The following PCSK2 variants were observed in gnomAD, a reference collection of about 807,000 sequenced individuals.
PCSK2 encodes the protein proprotein convertase subtilisin/kexin type 2, also known as neuroendocrine convertase 2.
A neutral mutation model predicts 69.7 loss-of-function variants in PCSK2; 14 were observed. That is an observed-to-expected ratio of 0.20 (90% CI 0.13 to 0.31). The LOEUF (loss-of-function observed/expected upper bound fraction) is 0.31. Ranked by LOEUF, PCSK2 falls within the 10% of genes least tolerant of loss-of-function variation. The probability of loss-of-function intolerance (pLI) is 1.00; values close to 1 mark genes in which losing one functional copy is unlikely to be tolerated. For missense variants in PCSK2, 544 were observed against 842.5 expected (o/e 0.65, Z 4.39); for synonymous variants, 307 against 320.7 (o/e 0.96, Z 0.46).
At chr20:17,471,879 G>T (rs182979235) in intron 11 of PCSK2, among the ~76,000 whole-genome samples, 1 of 152,220 alleles carries the variant, frequency 6.6e-6, no homozygotes, top group African/African-American at 2.4e-5. Flanking sequence ...CGTGGCAATC[G>T]CCACTCTCCA....
chr20:17,319,529 T>C (rs1368436542), intron 2 of PCSK2, among the ~76,000 whole-genome samples: 1 of 152,150 alleles, frequency 6.6e-6, no homozygotes, highest in Non-Finnish European at 1.5e-5. Context: ...TCAACAGTGT[T>C]CCAAGATGCA....
chr20:17,377,747 A>T (rs1298974287), intron 5 of PCSK2, among the ~76,000 whole-genome samples: 4 of 152,206 alleles, frequency 2.6e-5, no homozygotes, highest in South Asian at 4.1e-4. Flanking sequence ...TTTAAAAATC[A>T]CTTTGATAGA....
At chr20:17,399,995 G>A (rs1253821765) in intron 5 of PCSK2, among the ~76,000 whole-genome samples, 1 of 152,090 alleles carries the variant, frequency 6.6e-6, no homozygotes, top group South Asian at 2.1e-4. Context: ...ATATTTGCTG[G>A]TTTAGGCCTC....
In PCSK2 at chr20:17,482,567, G is replaced by A. The variant is rs556528781; in HGVS notation, c.*497G>A. ...CACTGTGCTATAAATCCTTTGGGGA[G>A]CGATGTTTTGAATTTAGTGAGATTT... On this transcript the variant is annotated 3_prime_UTR_variant, in exon 12 of 12. Coordinates refer to ENST00000262545, the MANE Select transcript of PCSK2 (RefSeq NM_002594.5). 3.3e-5 allele frequency: 5 copies of A among 152,314 alleles called. No homozygotes were observed. In the East Asian group the frequency reaches 7.7e-4, roughly 24 times the overall value. The allele number at this position is 152,314 out of a possible 1,614,324, so 9.4% of individuals were successfully genotyped here.
intron 8 of PCSK2, among the ~76,000 whole-genome samples, chr20:17,451,510 C>T (rs1406939416): frequency 6.6e-6 from 1 of 152,168 alleles, no homozygotes; most frequent in Non-Finnish European, 1.5e-5. Context: ...GGCTTATCTT[C>T]ATGGTGCAAC....
chr20:17,236,743 A>G (rs1209107114), intron 1 of PCSK2, among the ~76,000 whole-genome samples: 1 of 152,206 alleles, frequency 6.6e-6, no homozygotes, highest in Non-Finnish European at 1.5e-5. Context: ...TAGCCTAAGC[A>G]TGAAAAAGGA....
At chr20:17,398,796 C>T (rs2031571562) in intron 5 of PCSK2, among the ~76,000 whole-genome samples, 1 of 151,948 alleles carries the variant, frequency 6.6e-6, no homozygotes, top group Admixed American at 6.6e-5. Flanking sequence ...AGCCCCACCC[C>T]AGATTAATTA....
intron 2 of PCSK2, among the ~76,000 whole-genome samples, chr20:17,295,266 A>G (rs1346044530): frequency 1.3e-5 from 2 of 151,694 alleles, no homozygotes; most frequent in Admixed American, 1.3e-4. Context: ...AGTTTAATGC[A>G]TGCCAGATAT....
At chr20:17,348,569 G>A (rs367840529) in intron 2 of PCSK2, among the ~76,000 whole-genome samples, 4 of 152,114 alleles carry the variant, frequency 2.6e-5, no homozygotes, top group East Asian at 1.9e-4. Flanking sequence ...GTCAGTTTGC[G>A]AAGGCTCTCA....
At position 17,305,328 on chromosome 20, in the gene PCSK2, G is replaced by GT. The variant is rs200466117; in HGVS notation, c.282+44993dup. 6.6e-3 allele frequency among the ~76,000 whole-genome samples: 992 copies of GT among 151,374 alleles called. 7 individuals are homozygous for GT. The highest frequency in any genetic ancestry group is 0.038 in the East Asian group (197 of 5,152). Reference sequence around the variant, plus strand: ...GATAAGTCACTTGCAAAATGAAAATGTTTTTTTTTGAGGCATCTGGAGAAC... The same window carrying GT: ...GATAAGTCACTTGCAAAATGAAAATGTTTTTTTTTTGAGGCATCTGGAGAAC... On this transcript the variant is annotated intron_variant, in intron 2 of 11. Coordinates refer to ENST00000262545, the MANE Select transcript of PCSK2 (RefSeq NM_002594.5).
chr20:17,243,382 T>C (rs750541743), intron 1 of PCSK2, among the ~76,000 whole-genome samples: 2 of 152,154 alleles, frequency 1.3e-5, no homozygotes, highest in African/African-American at 2.4e-5. Context: ...TTATTTTTTC[T>C]AAAGACAAGG....
intron 2 of PCSK2, among the ~76,000 whole-genome samples, chr20:17,316,898 G>A (rs1206670831): frequency 6.6e-6 from 1 of 152,030 alleles, no homozygotes; most frequent in Non-Finnish European, 1.5e-5. Context: ...CCTATGAAGT[G>A]CAGGCTTTAA....
intron 2 of PCSK2, among the ~76,000 whole-genome samples, chr20:17,348,931 A>G (rs140951692): frequency 3.3e-4 from 50 of 152,318 alleles, no homozygotes; most frequent in African/African-American, 1.2e-3. Flanking sequence ...CCAGCCCACA[A>G]CAGGCATGAC....
At chr20:17,465,689 G>C in intron 11 of PCSK2, 136 bp downstream of exon 11, 2 of 645,506 alleles carry the variant, frequency 3.1e-6, no homozygotes, top group Non-Finnish European at 5.4e-6. Flanking sequence ...GTTTTTTTGA[G>C]ACAGGGCCTC....
chr20:17,481,413 A>AAAAAAAAAAAAAAAAAGAG (rs113487407), intron 11 of PCSK2, among the ~76,000 whole-genome samples, 171 bp from the exon 12 acceptor site: 1 of 115,820 alleles, frequency 8.6e-6, no homozygotes, highest in African/African-American at 3.9e-5. Flanking sequence ...AAAAAAAAAA[A>AAAAAAAAAAAAAAAAAGAG]AGAGATAAGT....
At chr20:17,243,894 TA>T in intron 1 of PCSK2, among the ~76,000 whole-genome samples, 1 of 152,012 alleles carries the variant, frequency 6.6e-6, no homozygotes, top group Admixed American at 6.5e-5. Context: ...TCTTCCAAAT[TA>T]AAAAAAGAAA....
intron 6 of PCSK2, among the ~76,000 whole-genome samples, chr20:17,413,458 G>A (rs1252547521): frequency 2.0e-5 from 3 of 152,200 alleles, no homozygotes; most frequent in Non-Finnish European, 4.4e-5. Context: ...AATGGTAAAG[G>A]GATCAATTCA....
chr20:17,467,314 A>C (rs2033120559), intron 11 of PCSK2, among the ~76,000 whole-genome samples: 2 of 152,248 alleles, frequency 1.3e-5, no homozygotes, highest in African/African-American at 4.8e-5. Context: ...CAAATTCATT[A>C]GATAAAATGC....
In PCSK2 at chr20:17,479,335, C is replaced by CAA. The variant is rs1184819789; in HGVS notation, c.1431-2248_1431-2247insAA. 2.9e-5 allele frequency: 22 copies of CAA among 769,912 alleles called. No individual in the cohort carries two copies. The East Asian group carries it at 5.4e-4, about 19-fold the overall frequency. The allele number at this position is 769,912 out of a possible 1,614,324, so 47.7% of individuals were successfully genotyped here. A position where few individuals can be genotyped will look rare whatever the true frequency, so the allele number is the denominator to read the frequency against. ...TTGATGTTGTTGTAATTATAATCTT[C>CAA]ACCACCTAAAACCCCGTCTGCACAT... On this transcript the variant is annotated intron_variant, in intron 11 of 11. Coordinates refer to ENST00000262545, the MANE Select transcript of PCSK2 (RefSeq NM_002594.5).
Sources: gnomAD v4.1 joint callset for allele counts (sites outside exome capture counted in the v4.1 genomes callset) on GRCh38, gnomAD v4.1.1 for gene constraint, MANE v1.5 for transcripts, NCBI Gene and HGNC (gene_info 2026-07-23, HGNC 2026-07-21) for gene names.